CNTNAP2: variants seen among roughly 807,000 people sequenced by gnomAD.
CNTNAP2 encodes the protein contactin associated protein 2, also known as contactin-associated protein-like 2.
A neutral mutation model predicts 155.2 loss-of-function variants in CNTNAP2; 98 were observed. The observed-to-expected ratio is 0.63, with a 90% confidence interval of 0.54 to 0.75. The LOEUF (loss-of-function observed/expected upper bound fraction) is 0.75. Ranked by LOEUF, CNTNAP2 falls within the 30% of genes least tolerant of loss-of-function variation. The pLI is 0.00. For synonymous variants in CNTNAP2, 651 were observed against 631.2 expected (o/e 1.03, Z -0.47); for missense variants, 1,727 against 1,688.1 (o/e 1.02, Z -0.40).
intron 10 of CNTNAP2, among the ~76,000 whole-genome samples, chr7:147,422,069 TAGTG>T (rs1450466759): frequency 6.8e-6 from 1 of 147,532 alleles, no homozygotes; most frequent in Non-Finnish European, 1.5e-5. Flanking sequence ...AATGGCCTAA[TAGTG>T]TGTGTGTGTG....
In CNTNAP2 at chr7:147,336,750, C is replaced by G. The variant is rs576148978; in HGVS notation, c.1498+36460C>G. Among the ~76,000 whole-genome samples the G allele has an allele frequency of 2.0e-4, 30 of 152,220 alleles. No individual in the cohort carries two copies. In the South Asian group the frequency reaches 6.0e-3, roughly 31 times the overall value. Reference sequence around the variant, plus strand: ...GTTCACCTCTGAGTCTCTGCTCCCTCAATGCTAGGACCCAACTATTGATTA... The same window carrying G: ...GTTCACCTCTGAGTCTCTGCTCCCTGAATGCTAGGACCCAACTATTGATTA... On this transcript the variant is annotated intron_variant, in intron 9 of 23. Coordinates refer to ENST00000361727, the MANE Select transcript of CNTNAP2 (RefSeq NM_014141.6).
intron 8 of CNTNAP2, among the ~76,000 whole-genome samples, chr7:147,178,477 C>A (rs1802391711): frequency 1.3e-5 from 2 of 152,156 alleles, no homozygotes; most frequent in Non-Finnish European, 1.5e-5. Context: ...GACCTCTGAC[C>A]TACAAATGTG....
intron 1 of CNTNAP2, among the ~76,000 whole-genome samples, chr7:146,532,591 C>T (rs929973457): frequency 3.9e-5 from 6 of 152,038 alleles, no homozygotes; most frequent in African/African-American, 1.4e-4. Context: ...ATTCTGTAAG[C>T]GTATATTTGG....
At chr7:147,772,215 G>A (rs1797480987) in intron 13 of CNTNAP2, among the ~76,000 whole-genome samples, 2 of 151,408 alleles carry the variant, frequency 1.3e-5, no homozygotes, top group African/African-American at 4.9e-5. Context: ...CACGAGGTCA[G>A]GAATTCAAGA....
chr7:148,195,545 A>C (rs1047655207), intron 18 of CNTNAP2, among the ~76,000 whole-genome samples: 2 of 152,238 alleles, frequency 1.3e-5, no homozygotes, highest in African/African-American at 4.8e-5. Flanking sequence ...CTAGACAAGC[A>C]TCCCACTTAA....
chr7:146,345,289 C>T (rs569874044), intron 1 of CNTNAP2, among the ~76,000 whole-genome samples: 1 of 152,198 alleles, frequency 6.6e-6, no homozygotes, highest in Admixed American at 6.5e-5. Flanking sequence ...CATTTTTTCT[C>T]CTGTACTGTG....
At chr7:147,426,540 T>G (rs555282951) in intron 10 of CNTNAP2, among the ~76,000 whole-genome samples, 1 of 152,310 alleles carries the variant, frequency 6.6e-6, no homozygotes, top group South Asian at 2.1e-4. Flanking sequence ...GAGTTTGTAC[T>G]TTTTCTAATG....
intron 1 of CNTNAP2, among the ~76,000 whole-genome samples, chr7:146,624,530 C>T (rs1203614333): frequency 2.0e-5 from 3 of 151,896 alleles, no homozygotes; most frequent in East Asian, 3.9e-4. Context: ...TTTCAAATGC[C>T]TTTGTTAAAT....
At chr7:147,298,557 T>C (rs1470248206) in intron 8 of CNTNAP2, among the ~76,000 whole-genome samples, 12 of 152,214 alleles carry the variant, frequency 7.9e-5, no homozygotes, top group Admixed American at 7.9e-4. Context: ...CATGTGACTA[T>C]CTTCTAAGCT....
chr7:147,943,220 C>T (rs555186452), intron 14 of CNTNAP2, among the ~76,000 whole-genome samples: 1 of 152,264 alleles, frequency 6.6e-6, no homozygotes, highest in East Asian at 1.9e-4. Flanking sequence ...CAACCAGATG[C>T]TTCAAAACTT....
At chr7:147,875,172 G>T (rs897076390) in intron 13 of CNTNAP2, among the ~76,000 whole-genome samples, 1 of 152,018 alleles carries the variant, frequency 6.6e-6, no homozygotes, top group Non-Finnish European at 1.5e-5. Flanking sequence ...ACCATTTCCC[G>T]GTACCAATTT....
intron 12 of CNTNAP2, among the ~76,000 whole-genome samples, chr7:147,579,490 A>T (rs1394347743): frequency 6.6e-5 from 10 of 152,122 alleles, no homozygotes. Context: ...TTGCTGTCAG[A>T]GACATTGAAT....
intron 15 of CNTNAP2, among the ~76,000 whole-genome samples, chr7:148,112,525 A>G (rs1257056283): frequency 6.6e-6 from 1 of 151,978 alleles, no homozygotes; most frequent in Non-Finnish European, 1.5e-5. Context: ...AGCACAAGGG[A>G]TCCTCCTGCT....
At chr7:146,825,746 T>G (rs1483270505) in intron 2 of CNTNAP2, among the ~76,000 whole-genome samples, 1 of 152,150 alleles carries the variant, frequency 6.6e-6, no homozygotes. Context: ...GAACATGACC[T>G]CATCTTTTTG....
At chr7:147,090,093 G>A (rs1456120527) in intron 4 of CNTNAP2, among the ~76,000 whole-genome samples, 1 of 152,076 alleles carries the variant, frequency 6.6e-6, no homozygotes, top group African/African-American at 2.4e-5. Flanking sequence ...GTAAGGGAGG[G>A]TCCCATAGTC....
intron 1 of CNTNAP2, among the ~76,000 whole-genome samples, chr7:146,755,383 T>A (rs1402589416): frequency 6.6e-6 from 1 of 152,016 alleles, no homozygotes; most frequent in Non-Finnish European, 1.5e-5. Flanking sequence ...ACATCACCAA[T>A]TGTGCCACTG....
chr7:147,072,848 CTTTTTTT>C (rs71165064), intron 4 of CNTNAP2, among the ~76,000 whole-genome samples: 120 of 93,612 alleles, frequency 1.3e-3, no homozygotes, highest in Middle Eastern at 6.0e-3. Context: ...TTCCTTTATT[CTTTTTTT>C]TTTTTTTTTT....
intron 11 of CNTNAP2, among the ~76,000 whole-genome samples, chr7:147,543,604 A>T (rs922742730): frequency 6.6e-6 from 1 of 152,188 alleles, no homozygotes; most frequent in East Asian, 1.9e-4. Context: ...CATGAAGATT[A>T]TCTAATTCAG....
intron 8 of CNTNAP2, among the ~76,000 whole-genome samples, chr7:147,238,876 G>C (rs1803875919): frequency 6.6e-6 from 1 of 152,178 alleles, no homozygotes; most frequent in African/African-American, 2.4e-5. Context: ...TGTGTTTCTA[G>C]AAGATTTGAT....
Sources: allele counts gnomAD v4.1 joint callset (sites outside exome capture counted in the v4.1 genomes callset), GRCh38; gene constraint gnomAD v4.1.1; transcripts MANE v1.5; gene names NCBI Gene and HGNC (gene_info 2026-07-23, HGNC 2026-07-21).